Variants in CAMKMT observed in about 807,000 individuals in gnomAD.
The protein encoded by CAMKMT is CaM KMT.
Under a neutral mutation model 48.0 loss-of-function variants are expected in CAMKMT, and 53 were observed. The ratio of observed to expected loss-of-function variants is 1.10; its 90% CI spans 0.89 to 1.39. The LOEUF (loss-of-function observed/expected upper bound fraction) is 1.39, where lower values mean the gene tolerates loss of function less well. CAMKMT is among the 40% of genes most tolerant of loss of function. The pLI is 0.00. For synonymous variants in CAMKMT, 165 were observed against 152.3 expected, an observed-to-expected ratio of 1.08 and a Z score of -0.61; for missense variants, 428 against 402.7, an observed-to-expected ratio of 1.06 and a Z score of -0.54.
chr2:44,487,517 G>C (rs538129805), intron 3 of CAMKMT, among the ~76,000 whole-genome samples: 1 of 152,140 alleles, frequency 6.6e-6, no homozygotes, highest in South Asian at 2.1e-4. Context: ...TTTAAATAAA[G>C]TTTTGACATT....
At chr2:44,439,704 G>T (rs1338592040) in intron 3 of CAMKMT, among the ~76,000 whole-genome samples, 1 of 151,978 alleles carries the variant, frequency 6.6e-6, no homozygotes, top group Non-Finnish European at 1.5e-5. Context: ...CGGGCGTCGT[G>T]GCGGGCGCCT....
In CAMKMT at chr2:44,442,509, G is replaced by A. The variant is rs116074618; in HGVS notation, c.376+52204G>A. ...AACCTATGGTTTCTAGGCACTAAAC[G>A]TTATCTCTTGCTACTAAGCCATATT... On this transcript the variant is annotated intron_variant, in intron 3 of 10. Coordinates refer to ENST00000378494, the MANE Select transcript of CAMKMT (RefSeq NM_024766.5). 5.9e-3 allele frequency among the ~76,000 whole-genome samples: 896 copies of A among 152,156 alleles called. 3 individuals carry two copies. The highest frequency in any genetic ancestry group is 0.02 in the African/African-American group (847 of 41,506).
chr2:44,550,013 G>A (rs1033346174), intron 3 of CAMKMT, among the ~76,000 whole-genome samples: 1 of 152,186 alleles, frequency 6.6e-6, no homozygotes, highest in African/African-American at 2.4e-5. Context: ...GAAGGGAAAT[G>A]TGGAGAAAAG....
chr2:44,364,977 C>T (rs1328662182), intron 1 of CAMKMT, among the ~76,000 whole-genome samples: 1 of 152,200 alleles, frequency 6.6e-6, no homozygotes, highest in African/African-American at 2.4e-5. Flanking sequence ...CAGGGAAATA[C>T]AACTCCTTCC....
intron 3 of CAMKMT, among the ~76,000 whole-genome samples, chr2:44,392,976 A>G (rs186077189): frequency 1.3e-5 from 2 of 152,264 alleles, no homozygotes; most frequent in African/African-American, 2.4e-5. Context: ...CTTCCTAGTA[A>G]TAGAAAAAAC....
chr2:44,450,714 A>C (rs1558625491), intron 3 of CAMKMT, among the ~76,000 whole-genome samples: 1 of 152,148 alleles, frequency 6.6e-6, no homozygotes, highest in Non-Finnish European at 1.5e-5. Context: ...AGAGGAATAA[A>C]AAAGTACAAT....
intron 3 of CAMKMT, among the ~76,000 whole-genome samples, chr2:44,577,152 C>T (rs1558716124): frequency 6.6e-6 from 1 of 152,182 alleles, no homozygotes; most frequent in Non-Finnish European, 1.5e-5. Flanking sequence ...TTTTAAAATA[C>T]AGGTGGGTTA....
chr2:44,625,892 A>G (rs1348595094), intron 3 of CAMKMT, among the ~76,000 whole-genome samples: 3 of 152,086 alleles, frequency 2.0e-5, no homozygotes, highest in Non-Finnish European at 4.4e-5. Context: ...TGCCAATACC[A>G]TACTGTTTTG....
chr2:44,370,238 G>A (rs934669073), intron 1 of CAMKMT, among the ~76,000 whole-genome samples: 27 of 152,316 alleles, frequency 1.8e-4, no homozygotes, highest in African/African-American at 6.5e-4. Flanking sequence ...AATGAAGAAT[G>A]TGGTAAGACT....
At chr2:44,684,182 G>C (rs1168669492) in intron 3 of CAMKMT, among the ~76,000 whole-genome samples, 1 of 152,202 alleles carries the variant, frequency 6.6e-6, no homozygotes, top group Non-Finnish European at 1.5e-5. Context: ...TTTCTGTCCT[G>C]AGAAGTCCAG....
intron 3 of CAMKMT, among the ~76,000 whole-genome samples, chr2:44,546,333 T>C (rs146608889): frequency 2.1e-3 from 325 of 152,342 alleles, no homozygotes; most frequent in African/African-American, 7.4e-3. Flanking sequence ...AGCATTTTCT[T>C]CAGTGGTCAC....
In CAMKMT at chr2:44,725,795, G is replaced by T. The variant is rs531328404; in HGVS notation, c.623+10442G>T. On this transcript the variant is annotated intron_variant, in intron 7 of 10. Coordinates refer to ENST00000378494, the MANE Select transcript of CAMKMT (RefSeq NM_024766.5). ...GGTGAAAGGGGAGATGAATGAGACA[G>T]AGCACATGAAGGGACTTCTAAGGTT... Among the ~76,000 whole-genome samples the T allele has an allele frequency of 5.3e-5, 8 of 151,950 alleles. No individual in the cohort carries two copies. The East Asian group carries it at 1.4e-3, about 26-fold the overall frequency.
At chr2:44,585,060 A>T (rs528627028) in intron 3 of CAMKMT, among the ~76,000 whole-genome samples, 1 of 152,220 alleles carries the variant, frequency 6.6e-6, no homozygotes, top group African/African-American at 2.4e-5. Context: ...GTCTGAAAAA[A>T]AAAAAAATGT....
chr2:44,770,975 G>A (rs1402689324), intron 10 of CAMKMT, among the ~76,000 whole-genome samples: 2 of 152,210 alleles, frequency 1.3e-5, no homozygotes, highest in Non-Finnish European at 2.9e-5. Flanking sequence ...GTTCCCCAGC[G>A]GAAAAGGGGA....
chr2:44,416,077 A>G (rs1683530359), intron 3 of CAMKMT, among the ~76,000 whole-genome samples: 1 of 152,220 alleles, frequency 6.6e-6, no homozygotes, highest in South Asian at 2.1e-4. Flanking sequence ...TTCATCAAGT[A>G]ATATCAATTT....
At chr2:44,453,126 T>C (rs2104595797) in intron 3 of CAMKMT, among the ~76,000 whole-genome samples, 1 of 152,152 alleles carries the variant, frequency 6.6e-6, no homozygotes, top group Non-Finnish European at 1.5e-5. Context: ...TTGGCACTAT[T>C]GTCTAATTTG....
chr2:44,403,284 G>C (rs1682554693), intron 3 of CAMKMT, among the ~76,000 whole-genome samples: 1 of 152,062 alleles, frequency 6.6e-6, no homozygotes, highest in Admixed American at 6.6e-5. Flanking sequence ...CCCTGATTCA[G>C]TTACTCCACC....
chr2:44,661,839 A>G (rs557801366), intron 3 of CAMKMT, among the ~76,000 whole-genome samples: 1 of 152,314 alleles, frequency 6.6e-6, no homozygotes, highest in South Asian at 2.1e-4. Flanking sequence ...TGGGTTTCAG[A>G]CAGGTGGTGG....
intron 3 of CAMKMT, among the ~76,000 whole-genome samples, chr2:44,638,724 T>C (rs1673284365): frequency 6.6e-6 from 1 of 151,858 alleles, no homozygotes; most frequent in African/African-American, 2.4e-5. Flanking sequence ...TGAGGAATAT[T>C]GTTGGGTCCA....
Sources: gnomAD v4.1 joint callset for allele counts (sites outside exome capture counted in the v4.1 genomes callset) on GRCh38, gnomAD v4.1.1 for gene constraint, MANE v1.5 for transcripts, NCBI Gene and HGNC (gene_info 2026-07-23, HGNC 2026-07-21) for gene names.